TDRD5: variants seen among roughly 807,000 people sequenced by gnomAD.
TDRD5 encodes tudor domain containing 5.
In TDRD5, 41 loss-of-function variants were observed where a neutral mutation model predicts 120.6. The observed-to-expected ratio is 0.34, with a 90% CI of 0.26 to 0.44. TDRD5 has a LOEUF of 0.44. Ranked by LOEUF, TDRD5 falls within the 20% of genes least tolerant of loss-of-function variation. The probability of loss-of-function intolerance (pLI) is 1.00; values close to 1 mark genes in which losing one functional copy is unlikely to be tolerated. For missense variants in TDRD5, 1,006 were observed against 1,221.2 expected (o/e 0.82, Z 2.63); for synonymous variants, 430 against 433.7 (o/e 0.99, Z 0.11).
In TDRD5 at chr1:179,630,109, G is replaced by A. The variant is rs183193896; in HGVS notation, c.973-658G>A. Among the ~76,000 whole-genome samples, 9 of 151,376 alleles carry A rather than the reference G, an allele frequency of 5.9e-5. No homozygotes were observed. In the East Asian group the frequency reaches 1.8e-3, roughly 30 times the overall value. ...ATTCTCCGGGTTCATGCCATTCTCCGGCCTCAGCCTCACGAGTAGCTGGGA... is the reference window on the plus strand; with the variant it reads ...ATTCTCCGGGTTCATGCCATTCTCCAGCCTCAGCCTCACGAGTAGCTGGGA... On this transcript the variant is annotated intron_variant, in intron 6 of 17. Transcript: ENST00000444136.
intron 4 of TDRD5, among the ~76,000 whole-genome samples, chr1:179,598,140 G>A (rs577992381): frequency 5.3e-4 from 81 of 152,284 alleles, no homozygotes; most frequent in African/African-American, 1.9e-3. Context: ...TTATTGGACT[G>A]AATGCTGTAG....
intron 15 of TDRD5, 116 bp from the exon 16 acceptor site, chr1:179,663,228 TAATA>T: frequency 1.7e-6 from 2 of 1,204,266 alleles, no homozygotes; most frequent in Non-Finnish European, 2.3e-6. Flanking sequence ...TATAGAAAGT[TAATA>T]AATACCTTTT....
intron 5 of TDRD5, among the ~76,000 whole-genome samples, chr1:179,619,331 G>A (rs1187753499): frequency 6.6e-6 from 1 of 152,030 alleles, no homozygotes; most frequent in Non-Finnish European, 1.5e-5. Context: ...TATGTGAATT[G>A]CCTGTTTATG....
In TDRD5 at chr1:179,645,114, C is replaced by G. The variant is rs560895212; in HGVS notation, c.1800+4669C>G. 5.4e-5 allele frequency among the ~76,000 whole-genome samples: 6 copies of G among 110,304 alleles called. No homozygotes were observed. The South Asian group carries it at 1.5e-3, about 28-fold the overall frequency. 72.4% of individuals were successfully genotyped at this position (110,304 alleles called of 152,430 possible). ...TTTTTTTTTTTTTTTGAGACGGAGT[C>G]TCGCTCTGTCGCCCAGGCTGGAGTG... On this transcript the variant is annotated intron_variant, in intron 11 of 17. Transcript: ENST00000444136.
In TDRD5 at chr1:179,651,044, T is replaced by C; in HGVS notation, c.1978T>C (p.Cys660Arg). The change falls in exon 12 of 18, where the codon TGC becomes CGC. Residue 660 changes from cysteine (C) to arginine (R), a missense_variant. Physicochemically the swap from Cys to Arg is radical, Grantham distance 180 (BLOSUM62 -3). Transcript: ENST00000444136. Reference sequence around the variant, plus strand: ...GAGAACAGAGGGCCATGCTATTGTATGCCGAGAAAATATCTCTTCTAAGGT... The same window carrying C: ...GAGAACAGAGGGCCATGCTATTGTACGCCGAGAAAATATCTCTTCTAAGGT... ...VLRTEGHAIV[C>R]RENISSKGFS... 1 of 1,614,164 alleles carries C rather than the reference T, an allele frequency of 6.2e-7. No individual in the cohort carries two copies. The highest frequency in any genetic ancestry group is 8.5e-7 in the Non-Finnish European group (1 of 1,180,010).
intron 13 of TDRD5, among the ~76,000 whole-genome samples, chr1:179,652,478 G>T (rs1313096065): frequency 2.6e-5 from 4 of 152,034 alleles, no homozygotes; most frequent in Non-Finnish European, 5.9e-5. Context: ...GCAGTACACA[G>T]GTTCTTCAGG....
intron 11 of TDRD5, among the ~76,000 whole-genome samples, chr1:179,648,017 A>G (rs984940892): frequency 3.9e-5 from 6 of 152,158 alleles, no homozygotes; most frequent in African/African-American, 1.4e-4. Context: ...AACTAGTTCA[A>G]CCATTGTGGA....
In TDRD5 at chr1:179,593,677, T is replaced by G. The variant is rs1675236155; in HGVS notation, c.450T>G (p.Leu150=). The change falls in exon 3 of 18, where the codon CTT becomes CTG. Residue 150 remains leucine (L), a synonymous_variant. Transcript: ENST00000444136. ...KDLLALSPVL[L]SDFEKAFAKR... is the part of the protein sequence containing the mutation. ...TGTTGGCGTTATCTCCTGTTCTTCT[T>G]TCTGATTTTGAAAAGGCATTTGCCA... The G allele has an allele frequency of 2.5e-6, 4 of 1,614,256 alleles. No individual in the cohort carries two copies. Among genetic ancestry groups the G allele is most frequent in the Non-Finnish European group, 3.4e-6 (4 of 1,180,040 alleles).
intron 4 of TDRD5, 109 bp downstream of exon 4, chr1:179,595,927 C>T: frequency 8.9e-7 from 1 of 1,124,254 alleles, no homozygotes; most frequent in Non-Finnish European, 1.2e-6. Context: ...AAGTCATTCA[C>T]TTATTTCAAA....
In TDRD5 at chr1:179,624,082, A is replaced by G. The variant is rs554312116; in HGVS notation, c.972+2991A>G. 6.6e-5 allele frequency among the ~76,000 whole-genome samples: 10 copies of G among 152,316 alleles called. 1 individual carries two copies. The South Asian group carries it at 1.4e-3, about 22-fold the overall frequency. Reference sequence around the variant, plus strand: ...AGTAAATTGAATTCAGCAATCCCTGAACAAGAGGGGTTTATCCTAAGAATG... The same window carrying G: ...AGTAAATTGAATTCAGCAATCCCTGGACAAGAGGGGTTTATCCTAAGAATG... On this transcript the variant is annotated intron_variant, in intron 6 of 17. Coordinates refer to ENST00000444136, the MANE Select transcript of TDRD5 (RefSeq NM_001199085.3).
chr1:179,651,954 G>A, intron 12 of TDRD5, 85 bp from the exon 13 acceptor site: 3 of 1,384,280 alleles, frequency 2.2e-6, no homozygotes, highest in Non-Finnish European at 3.0e-6. Flanking sequence ...TACTTCCATA[G>A]CATTTGAAAG....
rs2147763670 is a variant in TDRD5, at chr1:179,663,372, G to A, written c.2530G>A (p.Asp844Asn). 6.2e-7 allele frequency: 1 copy of A among 1,613,010 alleles called. No homozygotes were observed. The highest frequency in any genetic ancestry group is 2.2e-5 in the East Asian group (1 of 44,834). ...GGACTGGTGTTTTTCTACCCCTAAA[G>A]ATACATGGGATGATTCTTGGCAGCC... ...QKDWCFSTPK[D>N]TWDDSWQPSG... The change falls in exon 16 of 18, where the codon GAT becomes AAT. Residue 844 changes from aspartate to asparagine, a missense_variant. Transcript: ENST00000444136.
chr1:179,643,618 T>A (rs893792192), intron 11 of TDRD5, among the ~76,000 whole-genome samples: 2 of 52,096 alleles, frequency 3.8e-5, no homozygotes, highest in Non-Finnish European at 9.6e-5. Flanking sequence ...CTATGAACTT[T>A]AAAAACAGAT....
intron 2 of TDRD5, 27 bp downstream of exon 2, chr1:179,592,874 T>C (rs1572315004): frequency 6.3e-7 from 1 of 1,591,796 alleles, no homozygotes; most frequent in East Asian, 2.2e-5. Flanking sequence ...TGAAGGTCTA[T>C]AAACTTTGTA....
Position 179,691,065 on chromosome 1 carries a change from T to A in TDRD5, c.*122T>A. 1.5e-6 allele frequency: 2 copies of A among 1,304,600 alleles called. No individual in the cohort carries two copies. Among genetic ancestry groups the A allele is most frequent in the South Asian group, 3.1e-5 (2 of 64,544 alleles). 80.8% of individuals were successfully genotyped at this position (1,304,600 alleles called of 1,614,324 possible). Reference sequence around the variant, plus strand: ...TTGATCATTGATACTTTTGTCTTTCTGTGACTATATGTTAGCTTTATTATG... The same window carrying A: ...TTGATCATTGATACTTTTGTCTTTCAGTGACTATATGTTAGCTTTATTATG... On this transcript the variant is annotated 3_prime_UTR_variant, in exon 18 of 18. Coordinates refer to ENST00000444136, the MANE Select transcript of TDRD5 (RefSeq NM_001199085.3).
chr1:179,634,344 G>C, intron 7 of TDRD5, 113 bp from the exon 8 acceptor site: 1 of 1,027,254 alleles, frequency 9.7e-7, no homozygotes. Context: ...CTAGCACCTG[G>C]TGTGTTGAAG....
chr1:179,638,323 TAAGA>T lies in TDRD5; in HGVS notation c.1521-1511_1521-1508del, dbSNP rs1250448936. ...GTGACAAGAAGGGTGTTGAGAAGAA[TAAGA>T]AAGAGAAGGAGATGATGAAAACTGT... On this transcript the variant is annotated intron_variant, in intron 9 of 17. Coordinates refer to ENST00000444136, the MANE Select transcript of TDRD5 (RefSeq NM_001199085.3). Among the ~76,000 whole-genome samples the T allele has an allele frequency of 3.2e-5, 4 of 126,132 alleles. 2 individuals are homozygous for T. Among genetic ancestry groups the T allele is most frequent in the Non-Finnish European group, 7.0e-5 (4 of 57,178 alleles). The allele number at this position is 126,132 out of a possible 152,430, so 82.7% of individuals were successfully genotyped here. A position where few individuals can be genotyped will look rare whatever the true frequency, so the allele number is the denominator to read the frequency against.
chr1:179,597,197 T>C (rs1206631303), intron 4 of TDRD5, among the ~76,000 whole-genome samples: 1 of 152,230 alleles, frequency 6.6e-6, no homozygotes, highest in East Asian at 1.9e-4. Flanking sequence ...TAAGTCCTTA[T>C]CAGAGGCGTG....
intron 11 of TDRD5, among the ~76,000 whole-genome samples, chr1:179,650,429 A>G (rs1317477953): frequency 3.3e-5 from 5 of 150,988 alleles, no homozygotes; most frequent in Admixed American, 3.3e-4. Flanking sequence ...AAAAAGTTCA[A>G]ATTGCCTGGA....
Sources: allele counts gnomAD v4.1 joint callset (sites outside exome capture counted in the v4.1 genomes callset), GRCh38; gene constraint gnomAD v4.1.1; transcripts MANE v1.5; gene names NCBI Gene and HGNC (gene_info 2026-07-23, HGNC 2026-07-21).